TMEM114: variants seen among roughly 807,000 people sequenced by gnomAD.
The protein encoded by TMEM114 is transmembrane protein 114.
In TMEM114, 6 loss-of-function variants were observed where a neutral mutation model predicts 6.2. The observed-to-expected ratio is 0.97, with a 90% CI of 0.53 to 1.91. TMEM114 has a LOEUF of 1.91. Ranked by LOEUF, TMEM114 falls within the 40% of genes most tolerant of loss-of-function variation. The pLI is 0.01. For missense variants in TMEM114, 218 were observed against 158.3 expected (o/e 1.38, Z -2.02); for synonymous variants, 104 against 73.0 (o/e 1.42, Z -2.16).
At chr16:8,552,028 T>C (rs1355052438) in intron 2 of TMEM114, among the ~76,000 whole-genome samples, 1 of 152,060 alleles carries the variant, frequency 6.6e-6, no homozygotes, top group African/African-American at 2.4e-5. Flanking sequence ...TTCTCAAAAT[T>C]ACAGAGCTCC....
chr16:8,572,167 C>T lies in TMEM114; in HGVS notation c.359G>A (p.Gly120Glu), dbSNP rs1596309736. 6.4e-7 allele frequency: 1 copy of T among 1,551,612 alleles called. No individual in the cohort carries two copies. Among genetic ancestry groups the T allele is most frequent in the Non-Finnish European group, 8.7e-7 (1 of 1,146,962 alleles). The change falls in exon 3 of 4, where the codon GGG becomes GAG. Residue 120 changes from glycine (G) to glutamate (E), a missense_variant. By Grantham distance (98) the Gly-to-Glu change is moderately conservative (BLOSUM62 -2). Coordinates refer to ENST00000620492, the MANE Select transcript of TMEM114 (RefSeq NM_001146336.2). ...GAAGCTCAGAAACCCCGTCATCCCC[C>T]CAAAAACCATCAGGATCAGGCTGAG... is the stretch of plus-strand genomic sequence containing the variant. ...LPLSLILMVF[G>E]GMTGFLSFLL...
chr16:8,580,023 A>T (rs1330436892), intron 2 of TMEM114, among the ~76,000 whole-genome samples: 17 of 152,252 alleles, frequency 1.1e-4, no homozygotes, highest in Admixed American at 1.0e-3. Flanking sequence ...AGAAAATGCC[A>T]ACATCCAGAA....
intron 2 of TMEM114, among the ~76,000 whole-genome samples, chr16:8,538,964 C>G (rs945803721): frequency 6.6e-6 from 1 of 152,134 alleles, no homozygotes; most frequent in Non-Finnish European, 1.5e-5. Flanking sequence ...CCACTGTGTC[C>G]TCCATCTCTA....
At chr16:8,565,435 G>T (rs1259268821), downstream of TMEM114, among the ~76,000 whole-genome samples, 2 of 152,168 alleles carry the variant, frequency 1.3e-5, no homozygotes, top group East Asian at 1.9e-4. Context: ...GCGGCCAGTT[G>T]TTTGCCAGGG....
intron 2 of TMEM114, among the ~76,000 whole-genome samples, chr16:8,548,177 G>T (rs1424345067): frequency 6.6e-6 from 1 of 152,102 alleles, no homozygotes; most frequent in African/African-American, 2.4e-5. Context: ...TTAACGGTGG[G>T]ACCCTGACTG....
intron 2 of TMEM114, among the ~76,000 whole-genome samples, chr16:8,588,400 G>A (rs1902381242): frequency 6.6e-6 from 1 of 152,106 alleles, no homozygotes; most frequent in South Asian, 2.1e-4. Flanking sequence ...AAAAATGAAG[G>A]CAGAAATGAC....
chr16:8,565,329 T>G (rs1901504544), downstream of TMEM114, among the ~76,000 whole-genome samples: 1 of 152,118 alleles, frequency 6.6e-6, no homozygotes, highest in Non-Finnish European at 1.5e-5. Context: ...AGTGAGTAAA[T>G]GAATGGATGG....
intron 2 of TMEM114, among the ~76,000 whole-genome samples, chr16:8,544,023 C>A (rs923757445): frequency 1.3e-5 from 2 of 152,124 alleles, no homozygotes; most frequent in Non-Finnish European, 2.9e-5. Flanking sequence ...GGAAGCGCAA[C>A]GCTAAATGCC....
At chr16:8,559,863 C>A (rs369634226) in intron 2 of TMEM114, among the ~76,000 whole-genome samples, 1 of 152,178 alleles carries the variant, frequency 6.6e-6, no homozygotes, top group African/African-American at 2.4e-5. Context: ...CCCCATGGGG[C>A]TCTTTAGACC....
At chr16:8,538,635 G>A (rs544120071) in intron 2 of TMEM114, among the ~76,000 whole-genome samples, 2 of 152,124 alleles carry the variant, frequency 1.3e-5, no homozygotes, top group South Asian at 4.2e-4. Flanking sequence ...AGCCTCCCCA[G>A]CAGCTGCGAC....
At chr16:8,558,093 A>C (rs1478350327) in intron 2 of TMEM114, among the ~76,000 whole-genome samples, 1 of 152,016 alleles carries the variant, frequency 6.6e-6, no homozygotes, top group Non-Finnish European at 1.5e-5. Flanking sequence ...ATCTCTACTA[A>C]AAATACAGAA....
chr16:8,564,463 G>A (rs1271238459), intron 2 of TMEM114, among the ~76,000 whole-genome samples: 1 of 147,736 alleles, frequency 6.8e-6, no homozygotes, highest in Non-Finnish European at 1.5e-5. Flanking sequence ...GTGAGTAAAT[G>A]AGTGAGGGAG....
At chr16:8,535,877 G>C (rs1368625374), downstream of TMEM114, among the ~76,000 whole-genome samples, 1 of 152,214 alleles carries the variant, frequency 6.6e-6, no homozygotes, top group East Asian at 1.9e-4. Context: ...GGTCGATCCT[G>C]AGCAAGTGTC....
At chr16:8,563,702 T>TGAATGAGTGAGTGAGA (rs1901383715) in intron 2 of TMEM114, among the ~76,000 whole-genome samples, 1 of 148,498 alleles carries the variant, frequency 6.7e-6, no homozygotes, top group Admixed American at 6.6e-5. Context: ...AGTGAGTTAG[T>TGAATGAGTGAGTGAGA]GAATGAGTGA....
the TMEM114 span, among the ~76,000 whole-genome samples, chr16:8,531,040 G>A: frequency 6.6e-6 from 1 of 152,030 alleles, no homozygotes; most frequent in African/African-American, 2.4e-5. Context: ...CAGGACGGAG[G>A]GAAGAAGGAA....
At chr16:8,568,233 T>A (rs1447280838), downstream of TMEM114, among the ~76,000 whole-genome samples, 2 of 152,200 alleles carry the variant, frequency 1.3e-5, no homozygotes, top group Non-Finnish European at 2.9e-5. Flanking sequence ...TCCTCAATCA[T>A]GTGGCACCCC....
the TMEM114 span, among the ~76,000 whole-genome samples, chr16:8,526,898 A>G: frequency 1.3e-5 from 2 of 152,180 alleles, no homozygotes; most frequent in East Asian, 1.9e-4. Flanking sequence ...CAACACTTTA[A>G]ACTTTGAACA....
At chr16:8,540,386 T>C (rs1376356655) in intron 2 of TMEM114, among the ~76,000 whole-genome samples, 1 of 152,192 alleles carries the variant, frequency 6.6e-6, no homozygotes, top group Admixed American at 6.5e-5. Flanking sequence ...CAACCTCAGT[T>C]TCCTCAACTG....
chr16:8,532,337 C>T, the TMEM114 span, among the ~76,000 whole-genome samples: 1 of 152,146 alleles, frequency 6.6e-6, no homozygotes. Flanking sequence ...CATCCTCTCT[C>T]TGGGACTTAT....
Sources: allele counts gnomAD v4.1 joint callset (sites outside exome capture counted in the v4.1 genomes callset), GRCh38; gene constraint gnomAD v4.1.1; transcripts MANE v1.5; gene names NCBI Gene and HGNC (gene_info 2026-07-23, HGNC 2026-07-21).